Variants in FLT3 observed in about 807,000 individuals in gnomAD.
FLT3 encodes fms related receptor tyrosine kinase 3, also known as receptor-type tyrosine-protein kinase FLT3.
FLT3 carries 46 observed loss-of-function variants against 126.6 expected under a neutral mutation model. The observed-to-expected ratio is 0.36, with a 90% CI of 0.29 to 0.46. The LOEUF is 0.46. Among genes scored for constraint, FLT3 ranks in the 20% least tolerant of loss-of-function variants. The probability of loss-of-function intolerance (pLI) is 1.00; values close to 1 mark genes in which losing one functional copy is unlikely to be tolerated. For missense variants in FLT3, 1,069 were observed against 1,190.3 expected (o/e 0.90, Z 1.50); for synonymous variants, 404 against 434.4 (o/e 0.93, Z 0.87).
chr13:28,069,112 A>G (rs1378529239), intron 2 of FLT3, among the ~76,000 whole-genome samples: 5 of 152,320 alleles, frequency 3.3e-5, no homozygotes, highest in African/African-American at 1.2e-4. Flanking sequence ...TGGAGGGTTC[A>G]GAGCCAGGCA....
At chr13:28,055,919 G>C (rs1031616629) in intron 4 of FLT3, among the ~76,000 whole-genome samples, 2 of 152,182 alleles carry the variant, frequency 1.3e-5, no homozygotes, top group Admixed American at 1.3e-4. Context: ...GAACATGACC[G>C]ACATTAAAGA....
rs1306028106 is a variant in FLT3, at chr13:28,100,036, C to A, written c.43+432G>T. Among the ~76,000 whole-genome samples, 3 of 152,172 alleles carry A rather than the reference C, an allele frequency of 2.0e-5. No individual in the cohort carries two copies. The highest frequency in any genetic ancestry group is 4.4e-5 in the Non-Finnish European group (3 of 68,034). ...CTCAAAAGAAGAGTTAAAGACGACA[C>A]CCAGGTGTCTACAGTATCCAAGGGC... On this transcript the variant is annotated intron_variant, in intron 1 of 23. Coordinates refer to ENST00000241453, the MANE Select transcript of FLT3 (RefSeq NM_004119.3). The surrounding 1 kb of genome is among the most constrained non-coding windows in gnomAD (Gnocchi z 4.8).
intron 9 of FLT3, among the ~76,000 whole-genome samples, chr13:28,040,455 A>G (rs1175565578): frequency 6.6e-6 from 1 of 152,112 alleles, no homozygotes; most frequent in Non-Finnish European, 1.5e-5. Context: ...TAATCCCAAC[A>G]CTTTGGGAGG....
At chr13:28,073,054 T>C (rs1473086738) in intron 1 of FLT3, among the ~76,000 whole-genome samples, 4 of 151,572 alleles carry the variant, frequency 2.6e-5, no homozygotes, top group Admixed American at 2.6e-4. Flanking sequence ...TTAAAAGCAT[T>C]TTTTGGCCGA....
Position 28,061,881 on chromosome 13 carries a change from A to G in FLT3, c.354T>C (p.Phe118=), listed in dbSNP as rs1437535262. Reference sequence around the variant, plus strand: ...CCTCCACTTACCTGTTTTGTAAATCAAAATGTGGCTGGCAATTCAGGGAGC... The same window carrying G: ...CCTCCACTTACCTGTTTTGTAAATCGAAATGTGGCTGGCAATTCAGGGAGC... ...KHSSLNCQPH[F]DLQNRGVVSM... Residue 118 remains phenylalanine, a synonymous_variant, in exon 3 of 24, where the codon TTT becomes TTC. Transcript: ENST00000241453. The G allele has an allele frequency of 9.3e-6, 15 of 1,613,820 alleles. No homozygotes were observed. Among genetic ancestry groups the G allele is most frequent in the Middle Eastern group, 3.3e-4 (2 of 6,080 alleles).
intron 9 of FLT3, among the ~76,000 whole-genome samples, chr13:28,045,733 C>A (rs896786481): frequency 7.2e-4 from 109 of 151,932 alleles, no homozygotes; most frequent in Non-Finnish European, 7.4e-4. Context: ...TGGTGGCATG[C>A]ACCTATAATC....
intron 1 of FLT3, among the ~76,000 whole-genome samples, chr13:28,089,739 T>C (rs1432083259): frequency 1.6e-5 from 1 of 63,992 alleles, no homozygotes; most frequent in African/African-American, 4.3e-5. Context: ...ATGAGGGAAC[T>C]TTTTTTTTTT....
At chr13:28,034,901 C>T (rs560831218) in intron 12 of FLT3, among the ~76,000 whole-genome samples, 4 of 151,402 alleles carry the variant, frequency 2.6e-5, no homozygotes, top group African/African-American at 2.4e-5. Context: ...GCCAAGATCA[C>T]GCCACTGCAC....
intron 23 of FLT3, among the ~76,000 whole-genome samples, chr13:28,005,753 T>G (rs973777690): frequency 5.3e-5 from 8 of 152,224 alleles, no homozygotes; most frequent in Admixed American, 3.3e-4. Context: ...TCTACTCCTA[T>G]CAACGGTGCC....
chr13:28,082,323 A>T (rs550435019), intron 1 of FLT3, among the ~76,000 whole-genome samples: 3 of 152,192 alleles, frequency 2.0e-5, no homozygotes, highest in East Asian at 1.9e-4. Context: ...GCTAATTTTT[A>T]AAAAATTGTT....
intron 9 of FLT3, among the ~76,000 whole-genome samples, chr13:28,038,539 G>A (rs1257544498): frequency 1.3e-5 from 2 of 149,432 alleles, no homozygotes; most frequent in East Asian, 2.0e-4. Context: ...TGCAAGCTCT[G>A]CCTCCCGGGT....
chr13:28,063,266 G>A (rs1370954471), intron 2 of FLT3, among the ~76,000 whole-genome samples: 2 of 152,072 alleles, frequency 1.3e-5, no homozygotes, highest in African/African-American at 4.8e-5. Context: ...ATCACTTGAG[G>A]TCAGGAGTTC....
intron 15 of FLT3, among the ~76,000 whole-genome samples, chr13:28,029,646 G>C (rs570232509): frequency 3.3e-4 from 51 of 152,298 alleles, no homozygotes; most frequent in African/African-American, 1.1e-3. Flanking sequence ...ACAGTGTCGT[G>C]AGCATGGTTG....
rs147075807 is a variant in FLT3 at position 28,015,687 on chromosome 13, T to G, written c.2556A>C (p.Val852=). The G allele has an allele frequency of 6.2e-7, 1 of 1,611,680 alleles. No homozygotes were observed. Among genetic ancestry groups the G allele is most frequent in the East Asian group, 2.2e-5 (1 of 44,854 alleles). The change falls in exon 21 of 24, where the codon GTA becomes GTC. Residue 852 remains valine, a synonymous_variant. Coordinates refer to ENST00000241453, the MANE Select transcript of FLT3 (RefSeq NM_004119.3). ...YVVRGNARLP[V]KWMAPESLFE... ...ACAGGCTTTCGGGGGCCATCCATTT[T>G]ACAGGCAGACGGGCCTGTGGAAAAC...
chr13:28,010,144 G>A (rs74830356), intron 23 of FLT3, among the ~76,000 whole-genome samples: 5,116 of 152,080 alleles, frequency 0.034, 260 homozygotes, highest in African/African-American at 0.11. Context: ...TTTGCTGAGC[G>A]CCTTCCACGT....
intron 23 of FLT3, among the ~76,000 whole-genome samples, chr13:28,010,496 A>G (rs1183313617): frequency 2.0e-5 from 3 of 152,214 alleles, no homozygotes; most frequent in Non-Finnish European, 4.4e-5. Context: ...TGGTTCTTAA[A>G]GATTGAAGCA....
intron 19 of FLT3, among the ~76,000 whole-genome samples, chr13:28,020,935 A>G (rs1872330683): frequency 6.6e-6 from 1 of 152,176 alleles, no homozygotes; most frequent in South Asian, 2.1e-4. Context: ...TAGAAGGCCT[A>G]AGAAACTGGA....
intron 20 of FLT3, among the ~76,000 whole-genome samples, chr13:28,016,030 T>C (rs959929083): frequency 1.3e-5 from 2 of 152,070 alleles, no homozygotes; most frequent in African/African-American, 4.8e-5. Flanking sequence ...AAGTGGGTAC[T>C]AGTGAATTAG....
chr13:28,037,693 C>A (rs1428511922), intron 9 of FLT3, among the ~76,000 whole-genome samples: 1 of 152,174 alleles, frequency 6.6e-6, no homozygotes, highest in East Asian at 1.9e-4. Context: ...GGTGGAGAAG[C>A]CTGTAGTTCA....
Sources: gnomAD v4.1 joint callset for allele counts (sites outside exome capture counted in the v4.1 genomes callset) on GRCh38, gnomAD v4.1.1 for gene constraint, Gnocchi (gnomAD v3.1) non-coding constraint, MANE v1.5 for transcripts, NCBI Gene and HGNC (gene_info 2026-07-23, HGNC 2026-07-21) for gene names.